LRRC17: variants seen among roughly 807,000 people sequenced by gnomAD.
The protein encoded by LRRC17 is leucine rich repeat containing 17.
LRRC17 carries 33 observed loss-of-function variants against 41.5 expected under a neutral mutation model. That is an observed-to-expected ratio of 0.80 (90% CI 0.60 to 1.06). LRRC17 has a LOEUF of 1.06. LRRC17 is among the 50% of genes least tolerant of loss of function. The pLI is 0.00. For synonymous variants in LRRC17, 192 were observed against 197.0 expected, an observed-to-expected ratio of 0.97 and a Z score of 0.21; for missense variants, 491 against 519.3, an observed-to-expected ratio of 0.95 and a Z score of 0.53.
At position 102,944,838 on chromosome 7, in the gene LRRC17, T is replaced by A. The variant is rs1477257511; in HGVS notation, c.*231T>A. On this transcript the variant is annotated 3_prime_UTR_variant, in exon 4 of 4. Coordinates refer to ENST00000339431, the MANE Select transcript of LRRC17 (RefSeq NM_001031692.3). Reference sequence around the variant, plus strand: ...CATCTGGTGATATGCAATTCCACACTGGTAACCTGCAGCAGTTGGGTCCTA... The same window carrying A: ...CATCTGGTGATATGCAATTCCACACAGGTAACCTGCAGCAGTTGGGTCCTA... 1 of 430,742 alleles carries A rather than the reference T, an allele frequency of 2.3e-6. No individual in the cohort carries two copies. The highest frequency in any genetic ancestry group is 4.0e-6 in the Non-Finnish European group (1 of 247,008). The allele number at this position is 430,742 out of a possible 1,614,324, so 26.7% of individuals were successfully genotyped here.
chr7:102,942,454 G>GT (rs1233900653), intron 3 of LRRC17: 1 of 848,862 alleles, frequency 1.2e-6, no homozygotes, highest in Admixed American at 2.9e-5. Flanking sequence ...CTACTAGGGG[G>GT]TTTTTACCTC....
At chr7:102,928,186 G>A (rs1035747712) in intron 1 of LRRC17, among the ~76,000 whole-genome samples, 3 of 152,134 alleles carry the variant, frequency 2.0e-5, no homozygotes, top group Non-Finnish European at 4.4e-5. Flanking sequence ...ATTGAGATGA[G>A]GAGGTAATGC....
Position 102,926,306 on chromosome 7 carries a change from A to C in LRRC17, c.-140-7468A>C, listed in dbSNP as rs1378770350. ...GGAGTCGCATCGTCCTGTTGGTGAT[A>C]GTTGTGTTAGACAGATTGAGACACA... On this transcript the variant is annotated intron_variant, in intron 1 of 3. Coordinates refer to ENST00000339431, the MANE Select transcript of LRRC17 (RefSeq NM_001031692.3). 3 of 1,613,944 alleles carry C rather than the reference A, an allele frequency of 1.9e-6. No homozygotes were observed. The Admixed American group carries it at 5.0e-5, about 27-fold the overall frequency.
intron 2 of LRRC17, among the ~76,000 whole-genome samples, chr7:102,938,221 A>T (rs909400811): frequency 6.6e-6 from 1 of 152,236 alleles, no homozygotes; most frequent in Admixed American, 6.5e-5. Context: ...TGACCAGAAT[A>T]GTTTACCATT....
In LRRC17 at chr7:102,925,624, G is replaced by C. The variant is rs138334060; in HGVS notation, c.-140-8150G>C. On this transcript the variant is annotated intron_variant, in intron 1 of 3. Coordinates refer to ENST00000339431, the MANE Select transcript of LRRC17 (RefSeq NM_001031692.3). ...TCTGGGACAAAAGTGCTCAAAGTTG[G>C]TAATCAGGATGTTGGCATTCTATTA... 1.6e-3 allele frequency among the ~76,000 whole-genome samples: 250 copies of C among 152,178 alleles called. 2 individuals carry two copies. The highest frequency in any genetic ancestry group is 5.6e-3 in the African/African-American group (233 of 41,548).
intron 1 of LRRC17, among the ~76,000 whole-genome samples, chr7:102,915,323 A>T (rs1017773350): frequency 3.9e-5 from 6 of 152,202 alleles, no homozygotes; most frequent in African/African-American, 1.2e-4. Context: ...ATAGTAGAAG[A>T]TTTAAAACTA....
chr7:102,930,456 C>T (rs993871493), intron 1 of LRRC17, among the ~76,000 whole-genome samples: 7 of 152,158 alleles, frequency 4.6e-5, no homozygotes, highest in African/African-American at 1.7e-4. Flanking sequence ...ATGCCTAATG[C>T]CTCACCTTCT....
rs564698990 is a variant in LRRC17, at chr7:102,944,369, A to G, written c.1088A>G (p.Tyr363Cys). The G allele has an allele frequency of 1.9e-6, 3 of 1,614,092 alleles. No individual in the cohort carries two copies. The highest frequency in any genetic ancestry group is 4.5e-5 in the East Asian group (2 of 44,868). Residue 363 changes from tyrosine (Y) to cysteine (C), a missense_variant, in exon 4 of 4, where the codon TAC becomes TGC. Transcript: ENST00000339431. ...GACTACAACATTCACTACCTCTACT[A>G]CTGGTTAAAGCACCACTACAATGTC... ...RCDYNIHYLY[Y>C]WLKHHYNVHF... is the part of the protein sequence containing the mutation.
At chr7:102,943,350 G>T (rs1200346034) in intron 3 of LRRC17, among the ~76,000 whole-genome samples, 1 of 136,084 alleles carries the variant, frequency 7.3e-6, no homozygotes, top group Admixed American at 7.4e-5. Context: ...AAAAAAAAAA[G>T]CCCAAAATAC....
At chr7:102,918,348 C>T (rs958016658) in intron 1 of LRRC17, among the ~76,000 whole-genome samples, 1 of 152,136 alleles carries the variant, frequency 6.6e-6, no homozygotes, top group African/African-American at 2.4e-5. Context: ...TTGGGTCCTA[C>T]TTTTCTATCT....
At chr7:102,938,487 C>T (rs1161270882) in intron 2 of LRRC17, among the ~76,000 whole-genome samples, 3 of 152,120 alleles carry the variant, frequency 2.0e-5, no homozygotes, top group African/African-American at 7.2e-5. Context: ...CTAATTTCCT[C>T]CTCAAAATCA....
intron 1 of LRRC17, among the ~76,000 whole-genome samples, chr7:102,928,855 G>A (rs978853215): frequency 2.0e-5 from 3 of 152,188 alleles, no homozygotes; most frequent in Admixed American, 6.5e-5. Context: ...AGGAGCCCAC[G>A]TTCACTTTGC....
At chr7:102,939,632 G>A (rs377763197) in intron 3 of LRRC17, 47 bp downstream of exon 3, 2 of 1,530,290 alleles carry the variant, frequency 1.3e-6, no homozygotes, top group Non-Finnish European at 1.8e-6. Context: ...AGTGTTCTGT[G>A]ATTTTTTTCT....
chr7:102,913,237 A>T, intron 1 of LRRC17, 92 bp downstream of exon 1: 1 of 1,613,974 alleles, frequency 6.2e-7, no homozygotes, highest in Non-Finnish European at 8.5e-7. Context: ...AAAGAGAGGA[A>T]GGAAAGTATT....
chr7:102,930,208 C>T (rs1253112505), intron 1 of LRRC17, among the ~76,000 whole-genome samples: 2 of 152,062 alleles, frequency 1.3e-5, no homozygotes, highest in Admixed American at 6.5e-5. Context: ...CAGGGAGGGG[C>T]CAATTCATGC....
chr7:102,942,359 A>T, intron 3 of LRRC17: 1 of 1,544,780 alleles, frequency 6.5e-7, no homozygotes, highest in Non-Finnish European at 8.7e-7. Flanking sequence ...ATACAAATGC[A>T]GTGGGAGTTG....
At chr7:102,942,933 T>A (rs1235978107) in intron 3 of LRRC17, among the ~76,000 whole-genome samples, 1 of 152,190 alleles carries the variant, frequency 6.6e-6, no homozygotes, top group Middle Eastern at 3.2e-3. Context: ...CTGGTCCATA[T>A]CAACTGGAAT....
At chr7:102,917,967 A>G (rs983397831) in intron 1 of LRRC17, among the ~76,000 whole-genome samples, 1 of 152,208 alleles carries the variant, frequency 6.6e-6, no homozygotes, top group East Asian at 1.9e-4. Flanking sequence ...CAAGTCCCCA[A>G]AGAAGTGAGA....
chr7:102,923,310 G>A lies in LRRC17; in HGVS notation c.-141+10165G>A, dbSNP rs371728639. Among the ~76,000 whole-genome samples the A allele has an allele frequency of 3.3e-5, 5 of 152,032 alleles. No homozygotes were observed. The East Asian group carries it at 7.7e-4, about 23-fold the overall frequency. On this transcript the variant is annotated intron_variant, in intron 1 of 3. Transcript: ENST00000339431. ...TCAACTGAACAATAAATCAAGCCCC[G>A]ATTTGTAGTGTTTGATGTTTTCCGT...
Sources: gnomAD v4.1 joint callset for allele counts (sites outside exome capture counted in the v4.1 genomes callset) on GRCh38, gnomAD v4.1.1 for gene constraint, MANE v1.5 for transcripts, NCBI Gene and HGNC (gene_info 2026-07-23, HGNC 2026-07-21) for gene names.